INTS6: variants seen among roughly 807,000 people sequenced by gnomAD.
The protein encoded by INTS6 is integrator complex subunit 6, also known as DEAD box protein.
Under a neutral mutation model 104.9 loss-of-function variants are expected in INTS6, and 16 were observed. The observed-to-expected ratio is 0.15, with a 90% CI of 0.10 to 0.23. INTS6 has a LOEUF of 0.23. Ranked by LOEUF, INTS6 falls within the 10% of genes least tolerant of loss-of-function variation. INTS6 has a pLI of 1.00. For missense variants in INTS6, 584 were observed against 1,062.8 expected, an observed-to-expected ratio of 0.55 and a Z score of 6.26; for synonymous variants, 324 against 358.7, an observed-to-expected ratio of 0.90 and a Z score of 1.09.
chr13:51,434,443 AAAT>A (rs747095066), intron 3 of INTS6, among the ~76,000 whole-genome samples: 1 of 152,130 alleles, frequency 6.6e-6, no homozygotes, highest in Non-Finnish European at 1.5e-5. Context: ...GAAAAAAGAA[AAAT>A]ATTATTATCA....
At chr13:51,385,709 A>T (rs888124596) in intron 7 of INTS6, among the ~76,000 whole-genome samples, 1 of 152,314 alleles carries the variant, frequency 6.6e-6, no homozygotes, top group South Asian at 2.1e-4. Flanking sequence ...CAATATTGTA[A>T]TTTATAAAAA....
chr13:51,425,885 T>C (rs1956976378), intron 4 of INTS6, among the ~76,000 whole-genome samples: 1 of 152,074 alleles, frequency 6.6e-6, no homozygotes, highest in South Asian at 2.1e-4. Context: ...AATATAGTTT[T>C]ATCGTGTTTC....
intron 3 of INTS6, chr13:51,443,874 A>C (rs1952843202): frequency 6.6e-6 from 1 of 152,242 alleles, no homozygotes; most frequent in African/African-American, 2.4e-5. Flanking sequence ...CATGAACATG[A>C]CTAAATAAAC....
At chr13:51,340,388 C>T in the INTS6 span, among the ~76,000 whole-genome samples, 2 of 152,122 alleles carry the variant, frequency 1.3e-5, no homozygotes, top group Non-Finnish European at 2.9e-5. Context: ...TTTTTAGAGA[C>T]TAATTTGCAT....
chr13:51,349,233 G>GGCAAAT (rs1400374015), downstream of INTS6, among the ~76,000 whole-genome samples: 1 of 152,200 alleles, frequency 6.6e-6, no homozygotes, highest in African/African-American at 2.4e-5. Context: ...CAAAGGCAAA[G>GGCAAAT]TCCTTGGCAG....
chr13:51,432,040 C>A (rs1566245279), intron 3 of INTS6, among the ~76,000 whole-genome samples: 1 of 151,898 alleles, frequency 6.6e-6, no homozygotes, highest in Admixed American at 6.6e-5. Context: ...TGATTGTTTC[C>A]CTAAAGTAGA....
chr13:51,379,592 A>T lies in INTS6; in HGVS notation c.1276-20T>A. 7.3e-7 allele frequency: 1 copy of T among 1,371,424 alleles called. No individual in the cohort carries two copies. Among genetic ancestry groups the T allele is most frequent in the Non-Finnish European group, 1.0e-6 (1 of 984,142 alleles). The allele number at this position is 1,371,424 out of a possible 1,614,324, so 85.0% of individuals were successfully genotyped here. ...CAAGGGCTATAGGAAAAAAGAAAAC[A>T]TCATTCAATATTAAGCTTATTAAAA... On this transcript the variant is annotated intron_variant, in intron 10 of 17. Coordinates refer to ENST00000311234, the MANE Select transcript of INTS6 (RefSeq NM_012141.3).
intron 4 of INTS6, among the ~76,000 whole-genome samples, chr13:51,398,171 A>C (rs1237075434): frequency 6.6e-6 from 1 of 152,202 alleles, no homozygotes; most frequent in Non-Finnish European, 1.5e-5. Context: ...AGAAACAGGA[A>C]AAAGATTAAA....
At position 51,376,486 on chromosome 13, in the gene INTS6, T is replaced by TA. The variant is rs1330245370; in HGVS notation, c.1603-313dup. Among the ~76,000 whole-genome samples the TA allele has an allele frequency of 2.0e-5, 3 of 152,118 alleles. No homozygotes were observed. In the South Asian group the frequency reaches 6.2e-4, roughly 32 times the overall value. On this transcript the variant is annotated intron_variant, in intron 12 of 17. Transcript: ENST00000311234. ...CCAAATTTTAAAAACTGAAGTTTTT[T>TA]AAAAAACAGCTTTGATGTGTAATTT...
intron 4 of INTS6, among the ~76,000 whole-genome samples, chr13:51,410,287 A>T (rs1314784905): frequency 2.6e-5 from 4 of 152,244 alleles, no homozygotes; most frequent in Non-Finnish European, 5.9e-5. Context: ...AATTTGGATA[A>T]AAACAAAGTT....
chr13:51,389,630 T>G (rs1474767493), intron 5 of INTS6, among the ~76,000 whole-genome samples, 186 bp from the exon 6 acceptor site: 1 of 152,188 alleles, frequency 6.6e-6, no homozygotes, highest in African/African-American at 2.4e-5. Context: ...AATCATTATT[T>G]CCAACCAACC....
chr13:51,451,624 C>CCCGGCTGTCACT (rs1258401924), intron 2 of INTS6: 1 of 156,400 alleles, frequency 6.4e-6, no homozygotes, highest in Non-Finnish European at 1.4e-5. Context: ...CGCGGCCGGG[C>CCCGGCTGTCACT]CCGGCTGTCA....
Position 51,374,230 on chromosome 13 carries a change from A to C in INTS6, c.2082T>G (p.Ile694Met). ...APTTQAQPDL[I>M]KPLPLHKISE... ...TACTTTTATGAAGAGGAAGAGGTTT[A>C]ATAAGATCTGGCTGTGCTTGAGTTG... The change falls in exon 15 of 18, where the codon ATT (isoleucine) becomes ATG (methionine). Residue 694 changes from isoleucine (I) to methionine (M), a missense_variant. By Grantham distance (10) the Ile-to-Met change is conservative (BLOSUM62 1). This residue lies in a region of INTS6 where 296 missense variants were observed against 437.0 expected (regional missense o/e 0.68). Coordinates refer to ENST00000311234, the MANE Select transcript of INTS6 (RefSeq NM_012141.3). 1 of 1,613,624 alleles carries C rather than the reference A, an allele frequency of 6.2e-7. No homozygotes were observed. The highest frequency in any genetic ancestry group is 1.1e-5 in the South Asian group (1 of 91,062).
At chr13:51,440,940 A>C (rs1349702118) in intron 3 of INTS6, 1 of 152,184 alleles carries the variant, frequency 6.6e-6, no homozygotes, top group Non-Finnish European at 1.5e-5. Context: ...AAGGTTTCAG[A>C]CTAAAAAGCT....
the INTS6 span, chr13:51,340,988 G>A: frequency 2.9e-6 from 4 of 1,372,178 alleles, no homozygotes; most frequent in Non-Finnish European, 4.0e-6. Context: ...TAAAAACAGA[G>A]CTGGGGGTCC....
chr13:51,379,359 G>A (rs536732851), intron 11 of INTS6, 103 bp downstream of exon 11: 2 of 491,182 alleles, frequency 4.1e-6, no homozygotes, highest in Non-Finnish European at 7.3e-6. Flanking sequence ...TTAATATAAT[G>A]GAATTCCATT....
At chr13:51,420,549 A>G (rs139730881) in intron 4 of INTS6, among the ~76,000 whole-genome samples, 10 of 152,254 alleles carry the variant, frequency 6.6e-5, no homozygotes, top group African/African-American at 2.4e-4. Flanking sequence ...TGATGCAGGT[A>G]GTACTAATAT....
chr13:51,448,834 T>C (rs914817393), intron 3 of INTS6: 8 of 152,186 alleles, frequency 5.3e-5, no homozygotes, highest in Admixed American at 5.2e-4. Flanking sequence ...ACACCACAGA[T>C]CCTAGTATAG....
chr13:51,408,184 C>G (rs1203803519), intron 4 of INTS6, among the ~76,000 whole-genome samples: 2 of 147,516 alleles, frequency 1.4e-5, no homozygotes, highest in Non-Finnish European at 3.0e-5. Context: ...GCTCTTGTTG[C>G]CCAGGCTGGA....
Sources: allele counts gnomAD v4.1 joint callset (sites outside exome capture counted in the v4.1 genomes callset), GRCh38; gene constraint gnomAD v4.1.1; regional missense constraint gnomAD v4.1.1; transcripts MANE v1.5; gene names NCBI Gene and HGNC (gene_info 2026-07-23, HGNC 2026-07-21).